Variants in ATRNL1 observed in about 807,000 individuals in gnomAD.
ATRNL1 encodes attractin like 1.
In ATRNL1, 95 loss-of-function variants were observed where a neutral mutation model predicts 182.7. The ratio of observed to expected loss-of-function variants is 0.52; its 90% CI spans 0.44 to 0.62. The LOEUF is 0.62. Ranked by LOEUF, ATRNL1 falls within the 20% of genes least tolerant of loss-of-function variation. The pLI is 0.00. For missense variants in ATRNL1, 1,471 were observed against 1,679.5 expected (o/e 0.88, Z 2.17); for synonymous variants, 576 against 568.3 (o/e 1.01, Z -0.19).
chr10:115,188,408 G>A (rs1554889198), intron 8 of ATRNL1, among the ~76,000 whole-genome samples: 1 of 152,024 alleles, frequency 6.6e-6, no homozygotes, highest in African/African-American at 2.4e-5. Context: ...ATCTCAGAGG[G>A]GAATTATGTG....
intron 24 of ATRNL1, among the ~76,000 whole-genome samples, chr10:115,488,348 T>C (rs554833278): frequency 1.4e-4 from 22 of 152,320 alleles, no homozygotes; most frequent in African/African-American, 5.1e-4. Flanking sequence ...ATCCATCTGG[T>C]AGTGGACTTT....
At chr10:115,435,180 TA>T (rs1846347416) in intron 21 of ATRNL1, among the ~76,000 whole-genome samples, 1 of 152,012 alleles carries the variant, frequency 6.6e-6, no homozygotes, top group South Asian at 2.1e-4. Flanking sequence ...CATGCCTGGC[TA>T]ATTTTGTTTT....
At chr10:115,558,022 C>T (rs562595456) in intron 26 of ATRNL1, among the ~76,000 whole-genome samples, 1 of 148,272 alleles carries the variant, frequency 6.7e-6, no homozygotes, top group African/African-American at 2.5e-5. Flanking sequence ...TCCAGCCTGG[C>T]GACAGAGCAA....
chr10:115,213,554 C>A (rs1554895494), intron 8 of ATRNL1, among the ~76,000 whole-genome samples: 2 of 152,078 alleles, frequency 1.3e-5, no homozygotes, highest in African/African-American at 4.8e-5. Flanking sequence ...CAGTCCCTAG[C>A]CAGTCTGCCT....
intron 8 of ATRNL1, among the ~76,000 whole-genome samples, chr10:115,175,495 A>G (rs549764123): frequency 4.3e-4 from 66 of 152,192 alleles, no homozygotes; most frequent in African/African-American, 1.5e-3. Flanking sequence ...CTATGTCTAA[A>G]TAAATTTATC....
At chr10:115,660,200 C>T (rs1555037355) in intron 26 of ATRNL1, among the ~76,000 whole-genome samples, 3 of 152,056 alleles carry the variant, frequency 2.0e-5, no homozygotes, top group Non-Finnish European at 4.4e-5. Context: ...TTACAGATAG[C>T]ACCTACAAGA....
intron 18 of ATRNL1, among the ~76,000 whole-genome samples, chr10:115,332,607 ATGAGCAT>A (rs1564923582): frequency 1.3e-3 from 191 of 152,294 alleles, no homozygotes; most frequent in African/African-American, 4.3e-3. Context: ...AAAGAGGATG[ATGAGCAT>A]TTTTTCATAA....
intron 26 of ATRNL1, among the ~76,000 whole-genome samples, chr10:115,616,970 T>G (rs1478908790): frequency 1.3e-5 from 2 of 152,186 alleles, no homozygotes; most frequent in Non-Finnish European, 2.9e-5. Flanking sequence ...GGGCACTGCC[T>G]AGTGGAGCTG....
At chr10:115,521,189 C>T (rs903375688) in intron 25 of ATRNL1, among the ~76,000 whole-genome samples, 1 of 106,738 alleles carries the variant, frequency 9.4e-6, no homozygotes, top group Admixed American at 8.4e-5. Flanking sequence ...AGGGTCTCAC[C>T]CTGTCACCCA....
intron 24 of ATRNL1, among the ~76,000 whole-genome samples, chr10:115,514,602 T>C (rs2133686369): frequency 6.6e-6 from 1 of 152,004 alleles, no homozygotes; most frequent in South Asian, 2.1e-4. Context: ...ATAATAAAAT[T>C]CTGCAGTTCC....
intron 25 of ATRNL1, among the ~76,000 whole-genome samples, chr10:115,525,536 T>C (rs1592785503): frequency 1.3e-5 from 2 of 152,322 alleles, no homozygotes; most frequent in South Asian, 2.1e-4. Flanking sequence ...ACAGCCTTAA[T>C]GCATAGTTTG....
intron 28 of ATRNL1, among the ~76,000 whole-genome samples, chr10:115,937,260 G>A (rs1310318589): frequency 1.3e-5 from 2 of 152,186 alleles, no homozygotes; most frequent in Non-Finnish European, 2.9e-5. Context: ...ATTATGATAT[G>A]TTAAAGGCCA....
intron 28 of ATRNL1, among the ~76,000 whole-genome samples, chr10:115,887,449 A>T (rs1555110068): frequency 6.6e-6 from 1 of 152,150 alleles, no homozygotes; most frequent in African/African-American, 2.4e-5. Context: ...TCTCACTGTA[A>T]CAACACACAG....
intron 19 of ATRNL1, among the ~76,000 whole-genome samples, chr10:115,371,616 A>G (rs1734290917): frequency 1.3e-5 from 2 of 152,142 alleles, no homozygotes; most frequent in Non-Finnish European, 2.9e-5. Context: ...TATTTACCGA[A>G]TGCCTGTACC....
chr10:115,165,689 A>G lies in ATRNL1; in HGVS notation c.1092+44A>G, dbSNP rs184381390. ...AAATTTTAATCAGATTTTGTTTTTGATAGTTTACCACAGGCTAAAAAATAC... is the reference window on the plus strand; with the variant it reads ...AAATTTTAATCAGATTTTGTTTTTGGTAGTTTACCACAGGCTAAAAAATAC... On this transcript the variant is annotated intron_variant, in intron 7 of 28. Coordinates refer to ENST00000355044, the MANE Select transcript of ATRNL1 (RefSeq NM_207303.4). 93 of 1,156,862 alleles carry G rather than the reference A, an allele frequency of 8.0e-5. No individual in the cohort carries two copies. In the East Asian group the frequency reaches 2.2e-3, roughly 27 times the overall value. 71.7% of individuals were successfully genotyped at this position (1,156,862 alleles called of 1,614,324 possible). A position where few individuals can be genotyped will look rare whatever the true frequency, so the allele number is the denominator to read the frequency against.
intron 19 of ATRNL1, among the ~76,000 whole-genome samples, chr10:115,334,660 A>T (rs1855397117): frequency 6.6e-6 from 1 of 152,180 alleles, no homozygotes. Context: ...TAATTTCTCA[A>T]ACACAGATAA....
chr10:115,496,095 A>G (rs1849537208), intron 24 of ATRNL1, among the ~76,000 whole-genome samples: 1 of 152,076 alleles, frequency 6.6e-6, no homozygotes, highest in African/African-American at 2.4e-5. Context: ...TTTTTTGATC[A>G]TTACTGGCTT....
At chr10:115,456,375 A>G (rs879977736) in intron 21 of ATRNL1, among the ~76,000 whole-genome samples, 10 of 152,302 alleles carry the variant, frequency 6.6e-5, no homozygotes, top group Non-Finnish European at 1.3e-4. Context: ...TTAGCAAACT[A>G]ACACAAGAAC....
intron 24 of ATRNL1, among the ~76,000 whole-genome samples, chr10:115,491,848 T>A (rs953226198): frequency 6.6e-6 from 1 of 152,164 alleles, no homozygotes; most frequent in Admixed American, 6.5e-5. Flanking sequence ...TGCCCAGTTT[T>A]GTGCTTGAAA....
Sources: gnomAD v4.1 joint callset for allele counts (sites outside exome capture counted in the v4.1 genomes callset) on GRCh38, gnomAD v4.1.1 for gene constraint, MANE v1.5 for transcripts, NCBI Gene and HGNC (gene_info 2026-07-23, HGNC 2026-07-21) for gene names.